FYN: variants seen among roughly 807,000 people sequenced by gnomAD.
FYN encodes the protein FYN proto-oncogene, Src family tyrosine kinase.
A neutral mutation model predicts 70.2 loss-of-function variants in FYN; 10 were observed. That is an observed-to-expected ratio of 0.14 (90% CI 0.09 to 0.24). The LOEUF (loss-of-function observed/expected upper bound fraction) is 0.24. Ranked by LOEUF, FYN falls within the 10% of genes least tolerant of loss-of-function variation. The pLI is 1.00. For missense variants in FYN, 319 were observed against 673.1 expected, an observed-to-expected ratio of 0.47 and a Z score of 5.82; for synonymous variants, 236 against 248.6, an observed-to-expected ratio of 0.95 and a Z score of 0.48.
chr6:111,704,590 C>T (rs1262591407), intron 6 of FYN, among the ~76,000 whole-genome samples: 1 of 151,686 alleles, frequency 6.6e-6, no homozygotes, highest in Admixed American at 6.6e-5. Context: ...CCCAGCTCTA[C>T]TAAAAATACA....
intron 1 of FYN, among the ~76,000 whole-genome samples, chr6:111,854,227 G>A (rs1248268355): frequency 5.9e-5 from 9 of 152,186 alleles, no homozygotes; most frequent in Non-Finnish European, 8.8e-5. Context: ...TGAAGGGAAC[G>A]TTCATGTTAA....
At chr6:111,670,435 C>T (rs535154057) in intron 13 of FYN, among the ~76,000 whole-genome samples, 2 of 152,328 alleles carry the variant, frequency 1.3e-5, no homozygotes, top group Admixed American at 1.3e-4. Context: ...TTACCAGCAG[C>T]AAACATTCAA....
chr6:111,712,798 G>A (rs998087566), intron 5 of FYN, among the ~76,000 whole-genome samples: 4 of 152,172 alleles, frequency 2.6e-5, no homozygotes, highest in Admixed American at 2.6e-4. Context: ...CACTCTTCTT[G>A]ACCTGGCTGG....
At chr6:111,728,849 A>G (rs706911) in intron 3 of FYN, among the ~76,000 whole-genome samples, 38,928 of 152,072 alleles carry the variant, frequency 0.26, 9,664 homozygotes, top group African/African-American at 0.64. Context: ...CAACTCTCTT[A>G]GATTAATATT....
chr6:111,734,583 G>A (rs1441302543), intron 3 of FYN, among the ~76,000 whole-genome samples: 1 of 152,070 alleles, frequency 6.6e-6, no homozygotes, highest in Non-Finnish European at 1.5e-5. Context: ...TCATCACAGG[G>A]AGGCTCCACT....
chr6:111,735,747 T>A (rs1338397598), intron 3 of FYN, among the ~76,000 whole-genome samples: 1 of 152,154 alleles, frequency 6.6e-6, no homozygotes, highest in Non-Finnish European at 1.5e-5. Context: ...ACTTCCTAAG[T>A]GGACCAATGA....
chr6:111,781,660 G>A (rs1771178738), intron 2 of FYN, among the ~76,000 whole-genome samples: 1 of 152,204 alleles, frequency 6.6e-6, no homozygotes, highest in African/African-American at 2.4e-5. Flanking sequence ...TCCTCTGGTA[G>A]GAGGCCTGGC....
chr6:111,834,769 T>C (rs559847094), intron 2 of FYN, among the ~76,000 whole-genome samples: 1 of 152,326 alleles, frequency 6.6e-6, no homozygotes, highest in East Asian at 1.9e-4. Context: ...GGTTGCCTCC[T>C]GTTCACAAAA....
intron 2 of FYN, chr6:111,813,903 C>T (rs1014991976): frequency 2.0e-5 from 3 of 152,150 alleles, no homozygotes; most frequent in South Asian, 2.1e-4. Flanking sequence ...TCTAAGTTCC[C>T]GTGGCTCTGA....
intron 12 of FYN, chr6:111,676,527 T>C (rs1798537095): frequency 1.3e-5 from 2 of 152,268 alleles, no homozygotes; most frequent in South Asian, 4.1e-4. Context: ...TTTAGCATTC[T>C]GTTCACGCAG....
chr6:111,699,814 T>C (rs1032654544), intron 9 of FYN: 6 of 804,472 alleles, frequency 7.5e-6, no homozygotes, highest in Non-Finnish European at 9.5e-6. Flanking sequence ...AGATATTTTA[T>C]GGCAGCTGGA....
intron 1 of FYN, among the ~76,000 whole-genome samples, chr6:111,860,089 C>T (rs1034398251): frequency 2.8e-4 from 43 of 152,014 alleles, no homozygotes; most frequent in Admixed American, 7.9e-4. Flanking sequence ...TCAGGGACTC[C>T]ATAAGAAATA....
intron 1 of FYN, among the ~76,000 whole-genome samples, chr6:111,867,000 T>C (rs1774125964): frequency 6.6e-6 from 1 of 152,212 alleles, no homozygotes; most frequent in African/African-American, 2.4e-5. Flanking sequence ...TGCTCAACTC[T>C]GAAGCTGGTC....
intron 3 of FYN, among the ~76,000 whole-genome samples, chr6:111,723,449 G>A (rs1242743532): frequency 2.0e-5 from 3 of 152,124 alleles, no homozygotes; most frequent in Non-Finnish European, 2.9e-5. Context: ...ACCACTTCAC[G>A]CATTTGACAT....
chr6:111,821,153 C>T (rs1772646298), intron 2 of FYN, among the ~76,000 whole-genome samples: 2 of 151,764 alleles, frequency 1.3e-5, no homozygotes, highest in Admixed American at 1.3e-4. Context: ...CATATGGAAC[C>T]AAAAAAGAGC....
chr6:111,715,567 T>C (rs761815888), intron 4 of FYN, among the ~76,000 whole-genome samples: 2 of 152,128 alleles, frequency 1.3e-5, no homozygotes, highest in Non-Finnish European at 2.9e-5. Context: ...ACTCTCTCTA[T>C]TGCCACTTCA....
chr6:111,821,353 T>C (rs1266226432), intron 2 of FYN, among the ~76,000 whole-genome samples: 1 of 152,102 alleles, frequency 6.6e-6, no homozygotes, highest in African/African-American at 2.4e-5. Flanking sequence ...ATCTGATCTT[T>C]GACAAACCTG....
chr6:111,858,885 C>G (rs1773890178), intron 1 of FYN, among the ~76,000 whole-genome samples: 1 of 151,474 alleles, frequency 6.6e-6, no homozygotes, highest in African/African-American at 2.4e-5. Flanking sequence ...AGGCCATTCT[C>G]CTAGAAGATA....
chr6:111,728,710 T>C (rs921443759), intron 3 of FYN, among the ~76,000 whole-genome samples: 1 of 152,236 alleles, frequency 6.6e-6, no homozygotes, highest in Non-Finnish European at 1.5e-5. Flanking sequence ...GATATTCTAC[T>C]GTATGGATAT....
Sources: allele counts gnomAD v4.1 joint callset (sites outside exome capture counted in the v4.1 genomes callset), GRCh38; gene constraint gnomAD v4.1.1; transcripts MANE v1.5; gene names NCBI Gene and HGNC (gene_info 2026-07-23, HGNC 2026-07-21).